BCAS3: variants seen among roughly 807,000 people sequenced by gnomAD.
The protein encoded by BCAS3 is BCAS4/BCAS3 fusion.
In BCAS3, 53 loss-of-function variants were observed where a neutral mutation model predicts 116.1. The observed-to-expected ratio is 0.46, with a 90% confidence interval of 0.37 to 0.57. The LOEUF is 0.57. BCAS3 is among the 20% of genes least tolerant of loss of function. The pLI is 0.00. For synonymous variants in BCAS3, 391 were observed against 408.2 expected, an observed-to-expected ratio of 0.96 and a Z score of 0.51; for missense variants, 917 against 1,165.4, an observed-to-expected ratio of 0.79 and a Z score of 3.10.
chr17:61,306,295 C>T (rs1298381451), intron 22 of BCAS3, among the ~76,000 whole-genome samples: 1 of 152,162 alleles, frequency 6.6e-6, no homozygotes, highest in African/African-American at 2.4e-5. Flanking sequence ...CAACACTTCG[C>T]TTACAAATTA....
chr17:60,854,178 T>TG (rs1318427147), intron 7 of BCAS3, among the ~76,000 whole-genome samples: 1 of 152,158 alleles, frequency 6.6e-6, no homozygotes, highest in African/African-American at 2.4e-5. Flanking sequence ...GATAGTTTGC[T>TG]GAGAATGATG....
chr17:61,048,919 G>T (rs1568223555), intron 19 of BCAS3, among the ~76,000 whole-genome samples: 1 of 151,950 alleles, frequency 6.6e-6, no homozygotes, highest in Non-Finnish European at 1.5e-5. Context: ...TGTTCAAAAA[G>T]TTAAGTAGAC....
intron 13 of BCAS3, among the ~76,000 whole-genome samples, chr17:60,932,742 C>CAAAAAAAAAAAAAAAAAAAAAAAAAAAA (rs1167994825): frequency 2.6e-5 from 1 of 38,204 alleles, no homozygotes; most frequent in Non-Finnish European, 6.3e-5. Flanking sequence ...ACTCTTGTCT[C>CAAAAAAAAAAAAAAAAAAAAAAAAAAAA]AAAAAAAAAA....
In BCAS3 at chr17:61,327,588, C is replaced by A. The variant is rs1362516901; in HGVS notation, c.2426-40739C>A. Among the ~76,000 whole-genome samples, 1 of 152,066 alleles carries A rather than the reference C, an allele frequency of 6.6e-6. No individual in the cohort carries two copies. Among genetic ancestry groups the A allele is most frequent in the African/African-American group, 2.4e-5 (1 of 41,402 alleles). ...GTAGTGTCACAGTCTTGGCTTACTG[C>A]AACCTCCGCCTCCCGGGTTCAAGAC... On this transcript the variant is annotated intron_variant, in intron 22 of 23. Coordinates refer to ENST00000407086, the MANE Select transcript of BCAS3 (RefSeq NM_017679.5). This position sits in a 1 kb window ranked among gnomAD's most constrained non-coding sequence, Gnocchi z 5.9.
intron 22 of BCAS3, among the ~76,000 whole-genome samples, chr17:61,109,237 C>T (rs1162855088): frequency 6.6e-6 from 1 of 150,854 alleles, no homozygotes; most frequent in African/African-American, 2.4e-5. Flanking sequence ...CAGGTTGCTG[C>T]AAATGCCATT....
rs1443531000 is a variant in BCAS3 at position 61,356,684 on chromosome 17, G to C, written c.2426-11643G>C. On this transcript the variant is annotated intron_variant, in intron 22 of 23. Transcript: ENST00000407086. The surrounding 1 kb of genome is among the most constrained non-coding windows in gnomAD (Gnocchi z 5.4). ...AGGGGAGACAAAGAGGACAGGTAAA[G>C]GGACTTGATTTTAAAATCAACTCCT... is the stretch of plus-strand genomic sequence containing the variant. 1.3e-5 allele frequency among the ~76,000 whole-genome samples: 2 copies of C among 152,336 alleles called. No individual in the cohort carries two copies. Among genetic ancestry groups the C allele is most frequent in the Non-Finnish European group, 2.9e-5 (2 of 68,032 alleles).
chr17:60,957,206 A>C (rs1457057927), intron 14 of BCAS3, among the ~76,000 whole-genome samples: 1 of 152,218 alleles, frequency 6.6e-6, no homozygotes, highest in East Asian at 1.9e-4. Flanking sequence ...TTGCTTTTGA[A>C]ACAAAATCAG....
Position 61,029,060 on chromosome 17 carries a change from T to C in BCAS3, c.1638-5606T>C. Among the ~76,000 whole-genome samples, 1 of 151,992 alleles carries C rather than the reference T, an allele frequency of 6.6e-6. No homozygotes were observed. Among genetic ancestry groups the C allele is most frequent in the East Asian group, 1.9e-4 (1 of 5,200 alleles). Reference sequence around the variant, plus strand: ...ACCTGAGAATGTTTTTATGTACTGTTCTGAAATAAAACATTATATGCTAAA... The same window carrying C: ...ACCTGAGAATGTTTTTATGTACTGTCCTGAAATAAAACATTATATGCTAAA... On this transcript the variant is annotated intron_variant, in intron 16 of 23. Coordinates refer to ENST00000407086, the MANE Select transcript of BCAS3 (RefSeq NM_017679.5). This position sits in a 1 kb window ranked among gnomAD's most constrained non-coding sequence, Gnocchi z 5.2.
chr17:61,348,905 G>A lies in BCAS3; in HGVS notation c.2426-19422G>A, dbSNP rs577161355. ...GTAGCTGGGACTACAGGCGCCCACC[G>A]CCACACACGGCTAACTTTTTGTATT... On this transcript the variant is annotated intron_variant, in intron 22 of 23. Coordinates refer to ENST00000407086, the MANE Select transcript of BCAS3 (RefSeq NM_017679.5). This position sits in a 1 kb window ranked among gnomAD's most constrained non-coding sequence, Gnocchi z 4.5. Among the ~76,000 whole-genome samples the A allele has an allele frequency of 1.1e-4, 17 of 151,870 alleles. No individual in the cohort carries two copies. The highest frequency in any genetic ancestry group is 3.1e-4 in the African/African-American group (13 of 41,408).
chr17:60,807,302 A>C (rs1196824092), intron 6 of BCAS3, among the ~76,000 whole-genome samples: 2 of 152,150 alleles, frequency 1.3e-5, no homozygotes, highest in Non-Finnish European at 1.5e-5. Context: ...GATTTTTGCA[A>C]CTATGTATAT....
chr17:61,263,921 G>A (rs558648960), intron 22 of BCAS3, among the ~76,000 whole-genome samples: 4 of 152,252 alleles, frequency 2.6e-5, no homozygotes, highest in East Asian at 1.9e-4. Flanking sequence ...TTTTAGGGTA[G>A]CAAAAATAAA....
chr17:60,769,861 A>G (rs1226807366), intron 6 of BCAS3, among the ~76,000 whole-genome samples: 5 of 151,556 alleles, frequency 3.3e-5, no homozygotes, highest in African/African-American at 7.3e-5. Context: ...TGCAACCTCC[A>G]TCTCCCAGGT....
chr17:61,162,580 T>C lies in BCAS3; in HGVS notation c.2425+78016T>C, dbSNP rs1408432262. 1.3e-5 allele frequency among the ~76,000 whole-genome samples: 2 copies of C among 152,202 alleles called. No individual in the cohort carries two copies. The highest frequency in any genetic ancestry group is 4.8e-5 in the African/African-American group (2 of 41,428). On this transcript the variant is annotated intron_variant, in intron 22 of 23. Coordinates refer to ENST00000407086, the MANE Select transcript of BCAS3 (RefSeq NM_017679.5). This position sits in a 1 kb window ranked among gnomAD's most constrained non-coding sequence, Gnocchi z 5.6. ...CCAGTAATAAGCCTTATTGGTATGG[T>C]TCACTGATTTTTTTGGACTCTGCAT...
At chr17:60,843,471 G>C (rs908063737) in intron 7 of BCAS3, among the ~76,000 whole-genome samples, 18 of 152,034 alleles carry the variant, frequency 1.2e-4, no homozygotes, top group Non-Finnish European at 4.4e-5. Flanking sequence ...CACCCGACTC[G>C]GCCTCCCAAA....
At chr17:60,829,954 TC>T (rs1414752153) in intron 7 of BCAS3, among the ~76,000 whole-genome samples, 21 of 152,154 alleles carry the variant, frequency 1.4e-4, no homozygotes, top group African/African-American at 5.1e-4. Context: ...TAATTTCTCT[TC>T]CTAGTATTCA....
intron 16 of BCAS3, among the ~76,000 whole-genome samples, chr17:61,016,209 A>G (rs2065446964): frequency 6.6e-6 from 1 of 152,248 alleles, no homozygotes; most frequent in Non-Finnish European, 1.5e-5. Context: ...GCCTGCAAGT[A>G]CAGTTTCATT....
At chr17:60,742,996 C>G (rs936142265) in intron 5 of BCAS3, among the ~76,000 whole-genome samples, 25 of 150,890 alleles carry the variant, frequency 1.7e-4, no homozygotes, top group Admixed American at 5.9e-4. Context: ...GCCTGTAGTC[C>G]CAGCTACTTG....
intron 22 of BCAS3, among the ~76,000 whole-genome samples, chr17:61,209,168 AAAC>A (rs1205528657): frequency 7.8e-6 from 1 of 128,356 alleles, no homozygotes; most frequent in Non-Finnish European, 1.7e-5. Flanking sequence ...GGCCACCCCG[AAAC>A]AACAGCTAGT....
rs1437844364 is a variant in BCAS3, at chr17:60,731,009, T to A, written c.322-16189T>A. Among the ~76,000 whole-genome samples the A allele has an allele frequency of 2.0e-5, 3 of 152,222 alleles. No homozygotes were observed. The East Asian group carries it at 5.8e-4, about 29-fold the overall frequency. ...AACCGAATTCCTTAGTATAAGATGATACCTGCCATGCCTCCCACATTCTCC... is the reference window on the plus strand; with the variant it reads ...AACCGAATTCCTTAGTATAAGATGAAACCTGCCATGCCTCCCACATTCTCC... On this transcript the variant is annotated intron_variant, in intron 5 of 23. Transcript: ENST00000407086.
Sources: gnomAD v4.1 joint callset for allele counts (sites outside exome capture counted in the v4.1 genomes callset) on GRCh38, gnomAD v4.1.1 for gene constraint, Gnocchi (gnomAD v3.1) non-coding constraint, MANE v1.5 for transcripts, NCBI Gene and HGNC (gene_info 2026-07-23, HGNC 2026-07-21) for gene names.